Variants in ARSJ observed in about 807,000 individuals in gnomAD.
ARSJ encodes arylsulfatase family member J.
A neutral mutation model predicts 35.9 loss-of-function variants in ARSJ; 26 were observed. The ratio of observed to expected loss-of-function variants is 0.72; its 90% CI spans 0.53 to 1.00. The LOEUF is 1.00. Among genes scored for constraint, ARSJ ranks in the 50% least tolerant of loss-of-function variants. The pLI, the probability that ARSJ is intolerant of heterozygous loss-of-function variation, is 0.00. For missense variants in ARSJ, 667 were observed against 723.6 expected (o/e 0.92, Z 0.90); for synonymous variants, 294 against 267.6 (o/e 1.10, Z -0.96).
intron 1 of ARSJ, among the ~76,000 whole-genome samples, chr4:113,917,456 AT>A (rs1723382302): frequency 6.6e-6 from 1 of 152,208 alleles, no homozygotes; most frequent in African/African-American, 2.4e-5. Flanking sequence ...GTGAAAATGC[AT>A]GTAAAAGTGC....
Position 113,937,575 on chromosome 4 carries a change from G to A in ARSJ, c.399-33900C>T, listed in dbSNP as rs187277674. Among the ~76,000 whole-genome samples the A allele has an allele frequency of 3.6e-3, 549 of 151,958 alleles. 11 individuals are homozygous for A. The highest frequency in any genetic ancestry group is 4.7e-3 in the East Asian group (24 of 5,156). ...CAAGAGAAAGAAATAAAGTGTATTC[G>A]TATAGAAACAGAGGAGGTCAAATTG... On this transcript the variant is annotated intron_variant, in intron 1 of 1. Transcript: ENST00000315366.
chr4:113,918,979 T>G (rs957971548), intron 1 of ARSJ, among the ~76,000 whole-genome samples: 12 of 152,114 alleles, frequency 7.9e-5, no homozygotes, highest in Non-Finnish European at 7.4e-5. Context: ...TAAATTACCT[T>G]TAATGCCAAA....
intron 1 of ARSJ, chr4:113,946,386 C>T (rs965625244): frequency 9.2e-5 from 14 of 151,866 alleles, no homozygotes; most frequent in Non-Finnish European, 1.6e-4. Context: ...GCACATCAAA[C>T]GGCATTTTTA....
intron 1 of ARSJ, among the ~76,000 whole-genome samples, chr4:113,910,953 C>T (rs2099670256): frequency 1.3e-5 from 2 of 152,118 alleles, no homozygotes; most frequent in Non-Finnish European, 2.9e-5. Context: ...CAGAAGGGGC[C>T]ATGTTTCATT....
chr4:113,913,115 C>T (rs1369302950), intron 1 of ARSJ, among the ~76,000 whole-genome samples: 1 of 151,986 alleles, frequency 6.6e-6, no homozygotes, highest in African/African-American at 2.4e-5. Flanking sequence ...CTGTAATTAC[C>T]CCTCAAATCC....
intron 1 of ARSJ, among the ~76,000 whole-genome samples, chr4:113,976,296 A>G (rs1727588722): frequency 1.3e-5 from 2 of 152,034 alleles, no homozygotes; most frequent in Admixed American, 1.3e-4. Flanking sequence ...AGTTTAGTTC[A>G]TTTCAGTTTT....
chr4:113,923,627 A>G (rs1380170940), intron 1 of ARSJ, among the ~76,000 whole-genome samples: 2 of 152,070 alleles, frequency 1.3e-5, no homozygotes, highest in Non-Finnish European at 2.9e-5. Flanking sequence ...TGGTGTATAC[A>G]TTTCCAGCAT....
intron 1 of ARSJ, 81 bp downstream of exon 1, chr4:113,978,355 AC>A: frequency 7.6e-7 from 1 of 1,307,510 alleles, no homozygotes; most frequent in Non-Finnish European, 1.0e-6. Flanking sequence ...ACTTTCTGTT[AC>A]TCCCTTAAAT....
At position 113,901,393 on chromosome 4, in the gene ARSJ, T is replaced by G. The variant is rs2099666982; in HGVS notation, c.*881A>C. On this transcript the variant is annotated 3_prime_UTR_variant, in exon 2 of 2. Coordinates refer to ENST00000315366, the MANE Select transcript of ARSJ (RefSeq NM_024590.4). ...TTTTATAGTCTGAATTCACACAGTA[T>G]TACATTAATTTATAGTATTACAGTG... 6.6e-6 allele frequency: 1 copy of G among 152,186 alleles called. No homozygotes were observed. The highest frequency in any genetic ancestry group is 2.1e-4 in the South Asian group (1 of 4,830). 9.4% of individuals were successfully genotyped at this position (152,186 alleles called of 1,614,324 possible). A position where few individuals can be genotyped will look rare whatever the true frequency, so the allele number is the denominator to read the frequency against.
intron 1 of ARSJ, among the ~76,000 whole-genome samples, chr4:113,951,480 T>A (rs1725861139): frequency 6.6e-6 from 1 of 152,066 alleles, no homozygotes. Context: ...ATGGGACTAC[T>A]CCCTTTCTTG....
chr4:113,963,684 G>C (rs931606558), intron 1 of ARSJ, among the ~76,000 whole-genome samples: 1 of 151,368 alleles, frequency 6.6e-6, no homozygotes, highest in Non-Finnish European at 1.5e-5. Flanking sequence ...AATATTGAAT[G>C]AATGGATGAA....
intron 1 of ARSJ, among the ~76,000 whole-genome samples, chr4:113,939,147 T>C (rs1724963867): frequency 6.8e-6 from 1 of 147,516 alleles, no homozygotes; most frequent in African/African-American, 2.5e-5. Context: ...CATCTATGAG[T>C]GAGAATATGC....
chr4:113,938,375 T>C (rs991725364), intron 1 of ARSJ, among the ~76,000 whole-genome samples: 1 of 152,042 alleles, frequency 6.6e-6, no homozygotes, highest in Middle Eastern at 3.2e-3. Flanking sequence ...TTACACTTTA[T>C]ACAAAAATTA....
chr4:113,905,327 T>C (rs1435084633), intron 1 of ARSJ, among the ~76,000 whole-genome samples: 1 of 152,240 alleles, frequency 6.6e-6, no homozygotes, highest in Non-Finnish European at 1.5e-5. Context: ...TTTTTCACAG[T>C]GATTTAACCT....
chr4:113,935,102 C>G (rs1204506493), intron 1 of ARSJ, among the ~76,000 whole-genome samples: 4 of 151,850 alleles, frequency 2.6e-5, no homozygotes, highest in African/African-American at 9.7e-5. Flanking sequence ...TCCTGAAAGT[C>G]TGCATAAAAC....
intron 1 of ARSJ, among the ~76,000 whole-genome samples, chr4:113,926,168 A>T (rs1215899776): frequency 6.6e-6 from 1 of 151,840 alleles, no homozygotes; most frequent in African/African-American, 2.4e-5. Context: ...ACAGTTTTTG[A>T]CCACTCAAAG....
intron 1 of ARSJ, among the ~76,000 whole-genome samples, chr4:113,976,703 G>T (rs748177834): frequency 3.3e-5 from 5 of 152,096 alleles, no homozygotes; most frequent in Non-Finnish European, 7.4e-5. Flanking sequence ...GTAGCTATTT[G>T]TACTTTTTGT....
At chr4:113,958,602 A>T (rs1360126262) in intron 1 of ARSJ, among the ~76,000 whole-genome samples, 1 of 152,054 alleles carries the variant, frequency 6.6e-6, no homozygotes, top group East Asian at 1.9e-4. Flanking sequence ...TATGGATATT[A>T]ACCTGCATGT....
chr4:113,974,297 A>T (rs1038821762), intron 1 of ARSJ, among the ~76,000 whole-genome samples: 4 of 151,840 alleles, frequency 2.6e-5, no homozygotes, highest in African/African-American at 4.8e-5. Context: ...TCCCGTTAAT[A>T]AAAAAAATGA....
Sources: gnomAD v4.1 joint callset for allele counts (sites outside exome capture counted in the v4.1 genomes callset) on GRCh38, gnomAD v4.1.1 for gene constraint, MANE v1.5 for transcripts, NCBI Gene and HGNC (gene_info 2026-07-23, HGNC 2026-07-21) for gene names.